The following MTHFD1L variants were observed in gnomAD, a reference collection of about 807,000 sequenced individuals.
MTHFD1L encodes methylenetetrahydrofolate dehydrogenase (NADP+ dependent) 1 like.
MTHFD1L carries 81 observed loss-of-function variants against 119.5 expected under a neutral mutation model. The ratio of observed to expected loss-of-function variants is 0.68; its 90% CI spans 0.57 to 0.82. The LOEUF (loss-of-function observed/expected upper bound fraction) is 0.82. Ranked by LOEUF, MTHFD1L falls within the 40% of genes least tolerant of loss-of-function variation. MTHFD1L has a pLI of 0.00. For synonymous variants in MTHFD1L, 430 were observed against 475.2 expected (o/e 0.90, Z 1.24); for missense variants, 1,125 against 1,253.4 (o/e 0.90, Z 1.55).
intron 20 of MTHFD1L, among the ~76,000 whole-genome samples, chr6:151,006,289 G>A (rs1007647225): frequency 5.3e-5 from 8 of 152,156 alleles, no homozygotes; most frequent in East Asian, 1.9e-4. Context: ...CTTGGACAGC[G>A]GGTTAAAGAG....
intron 20 of MTHFD1L, among the ~76,000 whole-genome samples, chr6:150,994,606 T>C (rs908600286): frequency 1.2e-4 from 19 of 152,228 alleles, no homozygotes; most frequent in African/African-American, 4.6e-4. Flanking sequence ...TAGGATTATC[T>C]TCTAAATCAA....
intron 26 of MTHFD1L, among the ~76,000 whole-genome samples, chr6:151,037,568 G>A (rs530464709): frequency 1.5e-3 from 231 of 152,308 alleles, no homozygotes; most frequent in Non-Finnish European, 2.4e-3. Context: ...TCCCCAGCAC[G>A]TCAGGTGGGA....
intron 20 of MTHFD1L, among the ~76,000 whole-genome samples, chr6:150,994,281 G>T (rs754230336): frequency 3.3e-5 from 5 of 151,964 alleles, no homozygotes; most frequent in Non-Finnish European, 7.4e-5. Context: ...AGGAAGAAAG[G>T]CATACCCCCT....
intron 13 of MTHFD1L, among the ~76,000 whole-genome samples, chr6:150,942,297 T>C (rs1793264672): frequency 6.6e-6 from 1 of 152,128 alleles, no homozygotes; most frequent in South Asian, 2.1e-4. Flanking sequence ...CCACTATCAG[T>C]TACCATTTTA....
intron 10 of MTHFD1L, among the ~76,000 whole-genome samples, chr6:150,922,715 C>T (rs1468078473): frequency 6.9e-6 from 1 of 145,380 alleles, no homozygotes; most frequent in East Asian, 2.1e-4. Context: ...GCGATCTCGG[C>T]TCACTGCAAC....
chr6:151,006,656 G>C (rs1781444696), intron 20 of MTHFD1L, among the ~76,000 whole-genome samples: 1 of 152,100 alleles, frequency 6.6e-6, no homozygotes, highest in Admixed American at 6.5e-5. Context: ...TTGTGTCCAA[G>C]TGTTTTTAGA....
chr6:150,896,974 G>C (rs1450652412), intron 7 of MTHFD1L, among the ~76,000 whole-genome samples: 2 of 152,050 alleles, frequency 1.3e-5, no homozygotes, highest in African/African-American at 4.8e-5. Context: ...AAAATTAGCA[G>C]GGTGTGGTGG....
At position 151,097,662 on chromosome 6, in the gene MTHFD1L, A is replaced by C. The variant is rs912386601; in HGVS notation, c.*32-3864A>C. On this transcript the variant is annotated intron_variant, in intron 27 of 27. Transcript: ENST00000367321. ...GGTACAAACATACAGTTAGACGAAG[A>C]AATAAGCTCTAATGTTTGATAGCAA... Among the ~76,000 whole-genome samples, 10 of 152,352 alleles carry C rather than the reference A, an allele frequency of 6.6e-5. No homozygotes were observed. In the East Asian group the frequency reaches 1.7e-3, roughly 26 times the overall value.
At chr6:150,949,222 G>T (rs1469622708) in intron 16 of MTHFD1L, 89 bp downstream of exon 16, 3 of 1,024,832 alleles carry the variant, frequency 2.9e-6, no homozygotes, top group East Asian at 5.0e-5. Context: ...CTTACAGTTT[G>T]ATCCTGTCCA....
At chr6:150,938,556 A>T in intron 12 of MTHFD1L, 143 bp from the exon 13 acceptor site, 1 of 749,358 alleles carries the variant, frequency 1.3e-6, no homozygotes, top group Non-Finnish European at 2.3e-6. Context: ...TATAACCATT[A>T]GTGTCTCTCA....
chr6:151,058,164 A>G (rs572686261), intron 26 of MTHFD1L, among the ~76,000 whole-genome samples: 2 of 152,296 alleles, frequency 1.3e-5, no homozygotes, highest in African/African-American at 4.8e-5. Context: ...TCATTTCCAT[A>G]CCTAGCAAGA....
chr6:150,884,947 G>C (rs1310742358), intron 5 of MTHFD1L, among the ~76,000 whole-genome samples: 1 of 152,122 alleles, frequency 6.6e-6, no homozygotes, highest in African/African-American at 2.4e-5. Flanking sequence ...TCTGGGTTTT[G>C]AGTGGACTGC....
In MTHFD1L at chr6:150,903,977, C is replaced by T. The variant is rs77632321; in HGVS notation, c.781-1673C>T. On this transcript the variant is annotated intron_variant, in intron 7 of 27. Transcript: ENST00000367321. ...ATGCATTTACATTTTTATCGTGCTC[C>T]TCCTCTGTCAGGGGACTTGGATCTG... 6.5e-3 allele frequency among the ~76,000 whole-genome samples: 991 copies of T among 151,360 alleles called. 13 individuals carry two copies. Among genetic ancestry groups the T allele is most frequent in the African/African-American group, 0.022 (921 of 41,422 alleles).
intron 24 of MTHFD1L, among the ~76,000 whole-genome samples, chr6:151,034,266 C>T (rs143356864): frequency 0.012 from 1,797 of 151,828 alleles, 30 homozygotes; most frequent in African/African-American, 0.04. Context: ...GCCTGAACAC[C>T]TAAGACTTAT....
In MTHFD1L at chr6:151,091,510, C is replaced by A. The variant is rs1794448837; in HGVS notation, c.2848-957C>A. On this transcript the variant is annotated intron_variant, in intron 26 of 27. Coordinates refer to ENST00000367321, the MANE Select transcript of MTHFD1L (RefSeq NM_015440.5). ...GTGTGCGGTTTGAAGATCTTTCATC[C>A]CAACACAGCAAGGCGGTGAAGAACC... is the stretch of plus-strand genomic sequence containing the variant. Among the ~76,000 whole-genome samples the A allele has an allele frequency of 2.0e-5, 3 of 152,048 alleles. No homozygotes were observed. In the South Asian group the frequency reaches 6.2e-4, roughly 32 times the overall value.
At chr6:150,917,519 C>T (rs1788193777) in intron 8 of MTHFD1L, among the ~76,000 whole-genome samples, 1 of 151,884 alleles carries the variant, frequency 6.6e-6, no homozygotes, top group African/African-American at 2.4e-5. Flanking sequence ...TTTTTTAGAT[C>T]CTTCTAATAA....
intron 26 of MTHFD1L, among the ~76,000 whole-genome samples, chr6:151,083,646 TAG>T (rs1793444289): frequency 6.6e-6 from 1 of 152,240 alleles, no homozygotes; most frequent in South Asian, 2.1e-4. Flanking sequence ...GCCAACCCAC[TAG>T]AGAGTTACCA....
At chr6:150,982,990 A>G (rs1259815692) in intron 20 of MTHFD1L, among the ~76,000 whole-genome samples, 1 of 152,186 alleles carries the variant, frequency 6.6e-6, no homozygotes, top group Non-Finnish European at 1.5e-5. Context: ...ATGAGCCACT[A>G]TGACCGGCTG....
chr6:150,998,995 A>AAAAAAAAAAATGTATATTT (rs986639098), intron 20 of MTHFD1L, among the ~76,000 whole-genome samples: 1 of 143,586 alleles, frequency 7.0e-6, no homozygotes, highest in Non-Finnish European at 1.5e-5. Flanking sequence ...GTCTTAAAAA[A>AAAAAAAAAAATGTATATTT]ATATATATAC....
Sources: allele counts gnomAD v4.1 joint callset (sites outside exome capture counted in the v4.1 genomes callset), GRCh38; gene constraint gnomAD v4.1.1; transcripts MANE v1.5; gene names NCBI Gene and HGNC (gene_info 2026-07-23, HGNC 2026-07-21).